The following UBE2E2 variants were observed in gnomAD, a reference collection of about 807,000 sequenced individuals.
UBE2E2 encodes the protein ubiquitin conjugating enzyme E2 E2.
A neutral mutation model predicts 24.7 loss-of-function variants in UBE2E2; 6 were observed. The ratio of observed to expected loss-of-function variants is 0.24; its 90% CI spans 0.13 to 0.48. The LOEUF (loss-of-function observed/expected upper bound fraction) is 0.48, where lower values mean the gene tolerates loss of function less well. Ranked by LOEUF, UBE2E2 falls within the 20% of genes least tolerant of loss-of-function variation. The pLI is 0.99. For synonymous variants in UBE2E2, 104 were observed against 83.6 expected, an observed-to-expected ratio of 1.24 and a Z score of -1.33; for missense variants, 169 against 245.0, an observed-to-expected ratio of 0.69 and a Z score of 2.07.
intron 4 of UBE2E2, among the ~76,000 whole-genome samples, chr3:23,524,713 TTAGTC>T (rs1694952366): frequency 2.6e-5 from 4 of 152,324 alleles, no homozygotes; most frequent in Admixed American, 6.5e-5. Flanking sequence ...CTTTTATGCT[TTAGTC>T]AACATAAAGA....
intron 2 of UBE2E2, among the ~76,000 whole-genome samples, chr3:23,215,507 A>G (rs1696452247): frequency 6.6e-6 from 1 of 151,888 alleles, no homozygotes; most frequent in Non-Finnish European, 1.5e-5. Context: ...AGTTTGCTTC[A>G]TATTTCATCT....
rs187189311 is a variant in UBE2E2, at chr3:23,366,623, G to A, written c.228-132985G>A. ...AGACACCAGAGCCTCCTAGGGTGGAGGGTGGGAGGAGGGAGGGGATTGAAA... is the reference window on the plus strand; with the variant it reads ...AGACACCAGAGCCTCCTAGGGTGGAAGGTGGGAGGAGGGAGGGGATTGAAA... On this transcript the variant is annotated intron_variant, in intron 3 of 5. Transcript: ENST00000396703. Among the ~76,000 whole-genome samples the A allele has an allele frequency of 3.2e-4, 48 of 152,232 alleles. No homozygotes were observed. In the East Asian group the frequency reaches 9.1e-3, roughly 29 times the overall value.
At position 23,440,395 on chromosome 3, in the gene UBE2E2, A is replaced by G. The variant is rs554267783; in HGVS notation, c.228-59213A>G. ...AGTGCTGAGATTACAGGCATGGGCC[A>G]TTGTACCCGGCTATCTTATCTTCTT... is the stretch of plus-strand genomic sequence containing the variant. On this transcript the variant is annotated intron_variant, in intron 3 of 5. Coordinates refer to ENST00000396703, the MANE Select transcript of UBE2E2 (RefSeq NM_152653.4). Among the ~76,000 whole-genome samples, 5 of 152,282 alleles carry G rather than the reference A, an allele frequency of 3.3e-5. No homozygotes were observed. In the South Asian group the frequency reaches 1.0e-3, roughly 32 times the overall value.
chr3:23,577,398 C>A (rs2061055284), intron 5 of UBE2E2, among the ~76,000 whole-genome samples: 1 of 151,554 alleles, frequency 6.6e-6, no homozygotes. Flanking sequence ...GACAGTCAGA[C>A]CAGCTACAAC....
At chr3:23,229,208 G>A (rs568494468) in intron 3 of UBE2E2, among the ~76,000 whole-genome samples, 3 of 152,326 alleles carry the variant, frequency 2.0e-5, no homozygotes, top group South Asian at 2.1e-4. Context: ...AGTATTTGAA[G>A]CAGTGTGCTA....
chr3:23,391,303 TA>T (rs2125361098), intron 3 of UBE2E2, among the ~76,000 whole-genome samples: 1 of 152,342 alleles, frequency 6.6e-6, no homozygotes, highest in Non-Finnish European at 1.5e-5. Flanking sequence ...TATACATTTT[TA>T]AATCTCAGTT....
At chr3:23,525,474 C>T (rs1001148229) in intron 4 of UBE2E2, among the ~76,000 whole-genome samples, 2 of 152,172 alleles carry the variant, frequency 1.3e-5, no homozygotes, top group African/African-American at 4.8e-5. Flanking sequence ...ATATCCAAGT[C>T]GTATTTTTAA....
chr3:23,402,028 T>C (rs1401787663), intron 3 of UBE2E2, among the ~76,000 whole-genome samples: 1 of 151,930 alleles, frequency 6.6e-6, no homozygotes, highest in East Asian at 1.9e-4. Flanking sequence ...GGCTAATTTG[T>C]GTATTTTTAG....
At chr3:23,377,752 T>G (rs1696556917) in intron 3 of UBE2E2, among the ~76,000 whole-genome samples, 3 of 152,240 alleles carry the variant, frequency 2.0e-5, no homozygotes, top group Admixed American at 6.5e-5. Context: ...CTTAGGGATT[T>G]TCTGATAGTT....
At chr3:23,481,687 T>C (rs1052621580) in intron 3 of UBE2E2, among the ~76,000 whole-genome samples, 2 of 152,236 alleles carry the variant, frequency 1.3e-5, no homozygotes, top group African/African-American at 4.8e-5. Flanking sequence ...AAATTAAATC[T>C]GCCTGGCAGC....
At chr3:23,357,873 C>G (rs962330661) in intron 3 of UBE2E2, among the ~76,000 whole-genome samples, 1 of 152,160 alleles carries the variant, frequency 6.6e-6, no homozygotes, top group East Asian at 1.9e-4. Flanking sequence ...AGGTCTCACG[C>G]TATCACCCAG....
At chr3:23,261,926 G>T (rs1697912147) in intron 3 of UBE2E2, among the ~76,000 whole-genome samples, 1 of 152,170 alleles carries the variant, frequency 6.6e-6, no homozygotes, top group East Asian at 1.9e-4. Context: ...GAATAATGCT[G>T]CAGTTAACAT....
At chr3:23,551,013 T>C (rs1695630348) in intron 5 of UBE2E2, among the ~76,000 whole-genome samples, 2 of 152,204 alleles carry the variant, frequency 1.3e-5, no homozygotes, top group African/African-American at 4.8e-5. Flanking sequence ...GCATCTGCTC[T>C]AACAGTTTAA....
At chr3:23,285,053 C>A (rs1284773728) in intron 3 of UBE2E2, among the ~76,000 whole-genome samples, 1 of 151,880 alleles carries the variant, frequency 6.6e-6, no homozygotes, top group African/African-American at 2.4e-5. Flanking sequence ...CTTCTGGTAA[C>A]CATCTTTCTA....
intron 3 of UBE2E2, among the ~76,000 whole-genome samples, chr3:23,271,980 C>T (rs544529558): frequency 5.9e-5 from 9 of 152,334 alleles, no homozygotes; most frequent in Admixed American, 3.9e-4. Context: ...TAGTGGATCC[C>T]GCGCCAGGGC....
intron 3 of UBE2E2, among the ~76,000 whole-genome samples, chr3:23,233,184 G>A (rs1225589828): frequency 1.3e-5 from 2 of 152,200 alleles, no homozygotes; most frequent in African/African-American, 4.8e-5. Flanking sequence ...ATGTGAGAAA[G>A]TAGGACTGTA....
At chr3:23,312,333 A>G (rs1207775647) in intron 3 of UBE2E2, among the ~76,000 whole-genome samples, 1 of 152,234 alleles carries the variant, frequency 6.6e-6, no homozygotes, top group Admixed American at 6.5e-5. Flanking sequence ...ACAATGCATA[A>G]TAATCATATC....
intron 3 of UBE2E2, among the ~76,000 whole-genome samples, chr3:23,335,980 A>G (rs547925353): frequency 4.6e-5 from 7 of 152,196 alleles, no homozygotes; most frequent in Non-Finnish European, 8.8e-5. Flanking sequence ...AATACCAGAT[A>G]CCGTGTTCAT....
chr3:23,354,481 C>T (rs1336766595), intron 3 of UBE2E2, among the ~76,000 whole-genome samples: 2 of 152,186 alleles, frequency 1.3e-5, no homozygotes, highest in African/African-American at 4.8e-5. Context: ...GCAACCTACT[C>T]ATCTGACAAA....
Sources: allele counts gnomAD v4.1 joint callset (sites outside exome capture counted in the v4.1 genomes callset), GRCh38; gene constraint gnomAD v4.1.1; transcripts MANE v1.5; gene names NCBI Gene and HGNC (gene_info 2026-07-23, HGNC 2026-07-21).